UQCC1: variants seen among roughly 807,000 people sequenced by gnomAD.
UQCC1 encodes the protein ubiquinol-cytochrome c reductase complex assembly factor 1.
UQCC1 carries 38 observed loss-of-function variants against 48.0 expected under a neutral mutation model. The observed-to-expected ratio is 0.79, with a 90% CI of 0.61 to 1.04. UQCC1 has a LOEUF of 1.04. Among genes scored for constraint, UQCC1 ranks in the 50% least tolerant of loss-of-function variants. UQCC1 has a pLI of 0.00. For synonymous variants in UQCC1, 111 were observed against 129.2 expected (o/e 0.86, Z 0.95); for missense variants, 368 against 381.8 (o/e 0.96, Z 0.30).
At chr20:35,319,402 G>A (rs2061097739) in intron 7 of UQCC1, among the ~76,000 whole-genome samples, 1 of 152,200 alleles carries the variant, frequency 6.6e-6, no homozygotes, top group East Asian at 1.9e-4. Flanking sequence ...GGAGGGGAGT[G>A]AGGCTCATGT....
intron 7 of UQCC1, among the ~76,000 whole-genome samples, chr20:35,336,857 A>C (rs2146359737): frequency 6.6e-6 from 1 of 152,332 alleles, no homozygotes; most frequent in Non-Finnish European, 1.5e-5. Context: ...GCATGAAAAA[A>C]AGAAAGTGCT....
chr20:35,395,980 C>CTTTTTTTTTTTT (rs1000858624), intron 1 of UQCC1, among the ~76,000 whole-genome samples: 1 of 99,204 alleles, frequency 1.0e-5, no homozygotes, highest in Non-Finnish European at 1.9e-5. Flanking sequence ...TTTGCAATGT[C>CTTTTTTTTTTTT]TTTTTTTTTT....
chr20:35,349,741 T>C (rs2061470469), intron 6 of UQCC1, among the ~76,000 whole-genome samples: 3 of 152,206 alleles, frequency 2.0e-5, no homozygotes, highest in Admixed American at 1.3e-4. Context: ...TTCACACCTA[T>C]AATCCCAGCA....
At chr20:35,324,473 CCCA>C in intron 7 of UQCC1, among the ~76,000 whole-genome samples, 1 of 152,164 alleles carries the variant, frequency 6.6e-6, no homozygotes, top group Non-Finnish European at 1.5e-5. Context: ...ACTACAGGTG[CCCA>C]CCACCACGCC....
intron 1 of UQCC1, among the ~76,000 whole-genome samples, chr20:35,403,469 C>A (rs1318143446): frequency 6.6e-6 from 1 of 152,142 alleles, no homozygotes; most frequent in African/African-American, 2.4e-5. Context: ...AGGAACTAGT[C>A]TCCTCAGGAG....
chr20:35,311,208 AAGGCAGAT>A (rs907321129), intron 8 of UQCC1, among the ~76,000 whole-genome samples: 70 of 152,210 alleles, frequency 4.6e-4, no homozygotes, highest in African/African-American at 1.6e-3. Context: ...AAGAAATATA[AAGGCAGAT>A]AGGGCACATA....
At chr20:35,315,765 C>G (rs1294567532) in intron 7 of UQCC1, among the ~76,000 whole-genome samples, 1 of 152,140 alleles carries the variant, frequency 6.6e-6, no homozygotes. Context: ...TGGTGCATGA[C>G]TGTAGTCCCG....
chr20:35,347,052 G>A (rs1338077220), intron 7 of UQCC1, 112 bp downstream of exon 7: 4 of 1,610,164 alleles, frequency 2.5e-6, no homozygotes, highest in Non-Finnish European at 3.4e-6. Context: ...CTTGATATTA[G>A]GCAGCATTTC....
chr20:35,383,466 T>C (rs2061900702), intron 3 of UQCC1, among the ~76,000 whole-genome samples: 1 of 152,046 alleles, frequency 6.6e-6, no homozygotes, highest in African/African-American at 2.4e-5. Context: ...TCCCAGTACT[T>C]TGGGAGGCCG....
intron 4 of UQCC1, among the ~76,000 whole-genome samples, chr20:35,377,197 A>G (rs1359555638): frequency 6.6e-6 from 1 of 152,226 alleles, no homozygotes; most frequent in African/African-American, 2.4e-5. Context: ...AATTAAATCC[A>G]TCAATATTTT....
chr20:35,377,215 A>G (rs1397694756), intron 4 of UQCC1, among the ~76,000 whole-genome samples: 2 of 152,238 alleles, frequency 1.3e-5, no homozygotes, highest in East Asian at 3.8e-4. Context: ...TTTTAAAAGG[A>G]TAGTATATCA....
intron 1 of UQCC1, among the ~76,000 whole-genome samples, chr20:35,411,118 A>C (rs2062356838): frequency 6.6e-6 from 1 of 152,206 alleles, no homozygotes; most frequent in South Asian, 2.1e-4. Flanking sequence ...AGACTCGCTA[A>C]AACTATACAC....
chr20:35,401,734 T>C (rs1461897059), intron 1 of UQCC1, among the ~76,000 whole-genome samples: 1 of 144,000 alleles, frequency 6.9e-6, no homozygotes, highest in Non-Finnish European at 1.5e-5. Flanking sequence ...CAATCTCAGC[T>C]CACCGCAACC....
chr20:35,405,293 C>A (rs2062235231), intron 1 of UQCC1, among the ~76,000 whole-genome samples: 1 of 152,072 alleles, frequency 6.6e-6, no homozygotes, highest in Non-Finnish European at 1.5e-5. Flanking sequence ...TCAGTAGCCA[C>A]AAACAACAAA....
intron 7 of UQCC1, among the ~76,000 whole-genome samples, chr20:35,321,252 CTGTGTGTG>C (rs58532328): frequency 0.26 from 38,905 of 147,172 alleles, 5,231 homozygotes; most frequent in Middle Eastern, 0.35. Context: ...ACAAACAAAA[CTGTGTGTG>C]TGTGTGTGTG....
intron 1 of UQCC1, among the ~76,000 whole-genome samples, chr20:35,405,762 C>A (rs2062242110): frequency 6.6e-6 from 1 of 152,284 alleles, no homozygotes; most frequent in South Asian, 2.1e-4. Flanking sequence ...GTGGCAGGCA[C>A]CTGTAATCCC....
At chr20:35,341,507 A>G (rs1445735860) in intron 7 of UQCC1, among the ~76,000 whole-genome samples, 1 of 152,168 alleles carries the variant, frequency 6.6e-6, no homozygotes, top group Non-Finnish European at 1.5e-5. Flanking sequence ...TTCATTCTTC[A>G]GATAGTTACT....
intron 7 of UQCC1, among the ~76,000 whole-genome samples, chr20:35,325,750 G>A (rs1374453167): frequency 6.6e-6 from 1 of 152,110 alleles, no homozygotes. Context: ...ATTTATTACA[G>A]TGGGTATTAA....
At chr20:35,387,588 G>A (rs916548915) in intron 2 of UQCC1, among the ~76,000 whole-genome samples, 1 of 151,938 alleles carries the variant, frequency 6.6e-6, no homozygotes, top group African/African-American at 2.4e-5. Context: ...TCAAAGGGAT[G>A]AATAAAAGGT....
Sources: allele counts gnomAD v4.1 joint callset (sites outside exome capture counted in the v4.1 genomes callset), GRCh38; gene constraint gnomAD v4.1.1; transcripts MANE v1.5; gene names NCBI Gene and HGNC (gene_info 2026-07-23, HGNC 2026-07-21).